NYAP2: variants seen among roughly 807,000 people sequenced by gnomAD.
The protein encoded by NYAP2 is neuronal tyrosine-phosphorylated phosphoinositide-3-kinase adapter 2.
Under a neutral mutation model 50.4 loss-of-function variants are expected in NYAP2, and 23 were observed. The ratio of observed to expected loss-of-function variants is 0.46; its 90% CI spans 0.33 to 0.65. The LOEUF (loss-of-function observed/expected upper bound fraction) is 0.65, where lower values mean the gene tolerates loss of function less well. Among genes scored for constraint, NYAP2 ranks in the 30% least tolerant of loss-of-function variants. The probability of loss-of-function intolerance (pLI) is 0.02; values close to 1 mark genes in which losing one functional copy is unlikely to be tolerated. For missense variants in NYAP2, 885 were observed against 861.0 expected, an observed-to-expected ratio of 1.03 and a Z score of -0.35; for synonymous variants, 394 against 365.2, an observed-to-expected ratio of 1.08 and a Z score of -0.90.
At chr2:225,615,424 T>C (rs1471565814) in intron 5 of NYAP2, among the ~76,000 whole-genome samples, 2 of 152,166 alleles carry the variant, frequency 1.3e-5, no homozygotes, top group East Asian at 3.9e-4. Flanking sequence ...ACAATCCTCA[T>C]GTATTCTGAT....
At chr2:225,454,390 C>T (rs1689703197) in intron 3 of NYAP2, among the ~76,000 whole-genome samples, 1 of 152,086 alleles carries the variant, frequency 6.6e-6, no homozygotes. Context: ...AGATTACTGT[C>T]AATAAATCTC....
the NYAP2 span, among the ~76,000 whole-genome samples, chr2:225,697,129 C>T: frequency 1.3e-5 from 2 of 152,004 alleles, no homozygotes; most frequent in East Asian, 1.9e-4. Flanking sequence ...ATTTTATTGC[C>T]GCCCTTGTGT....
intron 3 of NYAP2, among the ~76,000 whole-genome samples, chr2:225,448,740 C>T (rs181983933): frequency 1.7e-4 from 26 of 152,278 alleles, no homozygotes; most frequent in African/African-American, 6.0e-4. Flanking sequence ...AAGCACTGAA[C>T]GGTGACAAGC....
At chr2:225,453,594 A>C (rs1324855920) in intron 3 of NYAP2, among the ~76,000 whole-genome samples, 2 of 152,192 alleles carry the variant, frequency 1.3e-5, no homozygotes, top group Non-Finnish European at 2.9e-5. Flanking sequence ...AATTTCTGGC[A>C]GTAATTCTTC....
At chr2:225,655,931 CACACAT>C (rs1489437230), downstream of NYAP2, among the ~76,000 whole-genome samples, 51 of 146,948 alleles carry the variant, frequency 3.5e-4, no homozygotes, top group Admixed American at 1.3e-3. Context: ...CACACACATA[CACACAT>C]ACACACACAC....
intron 3 of NYAP2, among the ~76,000 whole-genome samples, chr2:225,481,249 A>G (rs1416901999): frequency 6.6e-6 from 1 of 152,102 alleles, no homozygotes; most frequent in Non-Finnish European, 1.5e-5. Flanking sequence ...TTATAACTCT[A>G]CTTTTATCAG....
intron 5 of NYAP2, among the ~76,000 whole-genome samples, chr2:225,601,735 T>C (rs1161562303): frequency 6.6e-6 from 1 of 152,172 alleles, no homozygotes; most frequent in Non-Finnish European, 1.5e-5. Context: ...TTGGGTTACT[T>C]GATTTCTTTT....
chr2:225,495,874 C>CAAA (rs1690495698), intron 3 of NYAP2, among the ~76,000 whole-genome samples: 1 of 152,136 alleles, frequency 6.6e-6, no homozygotes, highest in Admixed American at 6.5e-5. Flanking sequence ...GACCGCAGAC[C>CAAA]AAATCTGGTT....
chr2:225,585,957 TG>T (rs1202762493), intron 5 of NYAP2, among the ~76,000 whole-genome samples: 1 of 152,226 alleles, frequency 6.6e-6, no homozygotes, highest in African/African-American at 2.4e-5. Context: ...ATAAGTGATA[TG>T]AAGTAGTATA....
intron 4 of NYAP2, among the ~76,000 whole-genome samples, chr2:225,576,506 G>C (rs892230046): frequency 6.6e-6 from 1 of 152,196 alleles, no homozygotes; most frequent in African/African-American, 2.4e-5. Context: ...GTTGTGAAAA[G>C]AGTTATTGTG....
intron 3 of NYAP2, among the ~76,000 whole-genome samples, chr2:225,420,276 A>G (rs1177545489): frequency 2.0e-5 from 3 of 152,120 alleles, no homozygotes; most frequent in Non-Finnish European, 4.4e-5. Flanking sequence ...TGGGCACATG[A>G]GCTGCTATAT....
At chr2:225,416,994 T>A (rs1405957183) in intron 3 of NYAP2, among the ~76,000 whole-genome samples, 1 of 152,162 alleles carries the variant, frequency 6.6e-6, no homozygotes, top group Non-Finnish European at 1.5e-5. Context: ...TGAAAAGTAA[T>A]GTTGAATATG....
intron 5 of NYAP2, among the ~76,000 whole-genome samples, chr2:225,613,592 G>C (rs1692936403): frequency 6.6e-6 from 1 of 152,174 alleles, no homozygotes; most frequent in African/African-American, 2.4e-5. Flanking sequence ...AAGGAGTCTA[G>C]TGCAGCATCT....
chr2:225,637,764 T>C (rs6436576), intron 6 of NYAP2, among the ~76,000 whole-genome samples: 79,779 of 151,968 alleles, frequency 0.52, 21,445 homozygotes, highest in Admixed American at 0.66. Flanking sequence ...GGATTTCTCC[T>C]GATACTGGTA....
intron 3 of NYAP2, among the ~76,000 whole-genome samples, chr2:225,448,644 C>G (rs1249216163): frequency 6.6e-6 from 1 of 152,114 alleles, no homozygotes; most frequent in African/African-American, 2.4e-5. Context: ...TTTCAATATT[C>G]CCAGTAGGGC....
At chr2:225,569,382 T>C (rs999201396) in intron 4 of NYAP2, among the ~76,000 whole-genome samples, 1 of 152,086 alleles carries the variant, frequency 6.6e-6, no homozygotes, top group Non-Finnish European at 1.5e-5. Context: ...AAACTTCAGA[T>C]AACAACTCAA....
At chr2:225,512,852 T>TCTTTCTTTCTTTCTTTCTTTCTTC (rs1690852431) in intron 3 of NYAP2, among the ~76,000 whole-genome samples, 1 of 123,576 alleles carries the variant, frequency 8.1e-6, no homozygotes, top group African/African-American at 3.3e-5. Flanking sequence ...TTTCTTTCTT[T>TCTTTCTTTCTTTCTTTCTTTCTTC]CTTCCTTCCT....
intron 3 of NYAP2, among the ~76,000 whole-genome samples, chr2:225,467,196 C>T (rs1194097967): frequency 1.3e-5 from 2 of 152,136 alleles, no homozygotes; most frequent in Non-Finnish European, 2.9e-5. Flanking sequence ...CCCTTACCAG[C>T]CGAATGTCCT....
At chr2:225,412,871 GACCTC>G (rs1695070417) in intron 3 of NYAP2, among the ~76,000 whole-genome samples, 1 of 152,096 alleles carries the variant, frequency 6.6e-6, no homozygotes, top group Admixed American at 6.6e-5. Context: ...GACACACTCA[GACCTC>G]ACCTCAAAGA....
Sources: gnomAD v4.1 joint callset for allele counts (sites outside exome capture counted in the v4.1 genomes callset) on GRCh38, gnomAD v4.1.1 for gene constraint, MANE v1.5 for transcripts, NCBI Gene and HGNC (gene_info 2026-07-23, HGNC 2026-07-21) for gene names.